The following CCDC32 variants were observed in gnomAD, a reference collection of about 807,000 sequenced individuals.
CCDC32 encodes the protein coiled-coil domain containing 32.
In CCDC32, 9 loss-of-function variants were observed where a neutral mutation model predicts 20.1. The observed-to-expected ratio is 0.45, with a 90% CI of 0.27 to 0.78. The LOEUF is 0.78. CCDC32 is among the 30% of genes least tolerant of loss of function. CCDC32 has a pLI of 0.16. For synonymous variants in CCDC32, 63 were observed against 79.0 expected (o/e 0.80, Z 1.07); for missense variants, 204 against 215.5 (o/e 0.95, Z 0.33).
intron 2 of CCDC32, among the ~76,000 whole-genome samples, chr15:40,561,733 C>T (rs749933643): frequency 8.6e-5 from 13 of 151,982 alleles, no homozygotes; most frequent in East Asian, 2.0e-4. Flanking sequence ...CGGTGGCACA[C>T]GCCTGTAATC....
chr15:40,522,210 T>TA, the CCDC32 span, among the ~76,000 whole-genome samples: 1 of 152,224 alleles, frequency 6.6e-6, no homozygotes, highest in African/African-American at 2.4e-5. Flanking sequence ...TTGTTAAAAA[T>TA]ACTATTTTTT....
Position 40,540,654 on chromosome 15 carries a change from C to A in CCDC32, c.402-1299G>T, listed in dbSNP as rs997023853. Among the ~76,000 whole-genome samples the A allele has an allele frequency of 4.6e-5, 7 of 152,132 alleles. No homozygotes were observed. The East Asian group carries it at 1.4e-3, about 29-fold the overall frequency. On this transcript the variant is annotated intron_variant, in intron 3 of 3. Transcript: ENST00000558113. The stretch of plus-strand genomic sequence containing the variant: ...AAAGTGCTGGGATTACAGGTGTGAG[C>A]CACTGCACCCAGCCCAGCATTTTCT...
chr15:40,551,657 AAAAT>A (rs200977689), downstream of CCDC32, among the ~76,000 whole-genome samples: 1,150 of 151,826 alleles, frequency 7.6e-3, 12 homozygotes, highest in African/African-American at 0.026. Context: ...AAAAATATAA[AAAAT>A]AAGCTGGGCA....
chr15:40,550,020 G>A (rs984382298), downstream of CCDC32, among the ~76,000 whole-genome samples: 3 of 152,144 alleles, frequency 2.0e-5, no homozygotes, highest in African/African-American at 7.2e-5. Flanking sequence ...CTGCAGCCAG[G>A]GCCTATTTCT....
downstream of CCDC32, chr15:40,535,160 A>T: frequency 1.8e-6 from 2 of 1,112,892 alleles, no homozygotes; most frequent in Non-Finnish European, 2.5e-6. Flanking sequence ...CAGGAAGATT[A>T]ACGTGACGGT....
Position 40,553,783 on chromosome 15 carries a change from T to C in CCDC32, c.*188A>G. The C allele has an allele frequency of 1.4e-6, 2 of 1,396,768 alleles. No homozygotes were observed. The highest frequency in any genetic ancestry group is 1.9e-6 in the Non-Finnish European group (2 of 1,077,096). The allele number at this position is 1,396,768 out of a possible 1,614,324, so 86.5% of individuals were successfully genotyped here. A position where few individuals can be genotyped will look rare whatever the true frequency, so the allele number is the denominator to read the frequency against. On this transcript the variant is annotated 3_prime_UTR_variant, in exon 4 of 4. Coordinates refer to ENST00000416810, the MANE Select transcript of CCDC32 (RefSeq NM_001080792.4). ...CACATGCCAGCCCCAGGTAAGTCCC[T>C]GGGGGCTTGCAGCTGTTTTCTTTGT...
chr15:40,531,001 C>T (rs1888858330), downstream of CCDC32, among the ~76,000 whole-genome samples: 1 of 151,700 alleles, frequency 6.6e-6, no homozygotes, highest in Non-Finnish European at 1.5e-5. Flanking sequence ...TGGGCCACCG[C>T]ACCTGGCCAG....
intron 1 of CCDC32, 107 bp from the exon 2 acceptor site, chr15:40,563,134 A>G (rs767322667): frequency 2.9e-4 from 394 of 1,355,496 alleles, no homozygotes; most frequent in Non-Finnish European, 3.6e-4. Context: ...AAGCCGAGGC[A>G]GTCAGATCAT....
chr15:40,527,216 G>A (rs1425498918), downstream of CCDC32, among the ~76,000 whole-genome samples: 1 of 150,044 alleles, frequency 6.7e-6, no homozygotes. Context: ...TGTCACCTAG[G>A]CTAGAGTGCA....
chr15:40,526,077 G>T (rs1043341808), downstream of CCDC32, among the ~76,000 whole-genome samples: 8 of 152,082 alleles, frequency 5.3e-5, no homozygotes, highest in Non-Finnish European at 5.9e-5. Flanking sequence ...CCTGGTGCCT[G>T]TGTGGGCCCA....
At chr15:40,561,333 C>CGTG (rs1439718538) in intron 2 of CCDC32, among the ~76,000 whole-genome samples, 1 of 151,966 alleles carries the variant, frequency 6.6e-6, no homozygotes, top group Non-Finnish European at 1.5e-5. Context: ...ATGAGCCAGG[C>CGTG]GTGGTGGTGG....
intron 1 of CCDC32, among the ~76,000 whole-genome samples, chr15:40,564,544 G>A (rs1314276939): frequency 6.6e-6 from 1 of 152,156 alleles, no homozygotes; most frequent in African/African-American, 2.4e-5. Flanking sequence ...CTAGGCATAT[G>A]AGACAGGCTG....
downstream of CCDC32, among the ~76,000 whole-genome samples, chr15:40,549,427 C>G (rs888554916): frequency 1.3e-5 from 2 of 152,092 alleles, no homozygotes; most frequent in Admixed American, 6.5e-5. Flanking sequence ...TCTTCTATTT[C>G]CTCTCACTCC....
At chr15:40,534,538 T>A (rs549604821), downstream of CCDC32, 30 of 193,450 alleles carry the variant, frequency 1.6e-4, no homozygotes, top group African/African-American at 6.1e-4. Context: ...ATCACAAGAA[T>A]AGCATGAGGG....
chr15:40,529,256 C>T (rs994522005), intron 3 of CCDC32, among the ~76,000 whole-genome samples: 2 of 152,108 alleles, frequency 1.3e-5, no homozygotes, highest in African/African-American at 2.4e-5. Context: ...GACAGAGGTC[C>T]GAAGAATACA....
At position 40,553,222 on chromosome 15, in the gene CCDC32, G is replaced by T. The variant is rs554560144; in HGVS notation, c.*749C>A. The T allele has an allele frequency of 1.0e-6, 1 of 985,334 alleles. No individual in the cohort carries two copies. The highest frequency in any genetic ancestry group is 1.2e-6 in the Non-Finnish European group (1 of 829,950). 61.0% of individuals were successfully genotyped at this position (985,334 alleles called of 1,614,324 possible). A position where few individuals can be genotyped will look rare whatever the true frequency, so the allele number is the denominator to read the frequency against. On this transcript the variant is annotated 3_prime_UTR_variant, in exon 4 of 4. Transcript: ENST00000416810. Reference sequence around the variant, plus strand: ...AGATGTTTGGAACTATCCAGGAGTAGTGTCAAACACTAACACCATATTTAC... The same window carrying T: ...AGATGTTTGGAACTATCCAGGAGTATTGTCAAACACTAACACCATATTTAC...
chr15:40,551,148 C>T (rs1405023704), downstream of CCDC32, among the ~76,000 whole-genome samples: 2 of 152,088 alleles, frequency 1.3e-5, no homozygotes, highest in East Asian at 1.9e-4. Context: ...TTTGGGAGGC[C>T]GAGGCGGGCG....
At chr15:40,547,714 ATGGCTTAAGGCT>A (rs1889678380) in intron 3 of CCDC32, among the ~76,000 whole-genome samples, 1 of 152,160 alleles carries the variant, frequency 6.6e-6, no homozygotes, top group Non-Finnish European at 1.5e-5. Context: ...CCCTCCCGCC[ATGGCTTAAGGCT>A]TTTGCTTAAA....
intron 2 of CCDC32, 24 bp from the exon 3 acceptor site, chr15:40,557,396 CA>C (rs767702353): frequency 3.8e-5 from 59 of 1,568,244 alleles, no homozygotes; most frequent in Non-Finnish European, 4.7e-5. Flanking sequence ...TAGAGCTTAA[CA>C]AGGAAAATGA....
Sources: gnomAD v4.1 joint callset for allele counts (sites outside exome capture counted in the v4.1 genomes callset) on GRCh38, gnomAD v4.1.1 for gene constraint, MANE v1.5 for transcripts, NCBI Gene and HGNC (gene_info 2026-07-23, HGNC 2026-07-21) for gene names.